The following CA10 variants were observed in gnomAD, a reference collection of about 807,000 sequenced individuals.
CA10 encodes carbonic anhydrase 10 (inactive).
A neutral mutation model predicts 44.2 loss-of-function variants in CA10; 14 were observed. The observed-to-expected ratio is 0.32, with a 90% CI of 0.21 to 0.50. CA10 has a LOEUF of 0.50. CA10 is among the 20% of genes least tolerant of loss of function. The pLI, the probability that CA10 is intolerant of heterozygous loss-of-function variation, is 0.99. For missense variants in CA10, 350 were observed against 409.7 expected (o/e 0.85, Z 1.26); for synonymous variants, 159 against 141.6 (o/e 1.12, Z -0.87).
At chr17:52,117,860 A>T (rs543247619) in intron 1 of CA10, among the ~76,000 whole-genome samples, 37 of 152,372 alleles carry the variant, frequency 2.4e-4, no homozygotes, top group African/African-American at 8.9e-4. Flanking sequence ...GATAAGATAA[A>T]GCTAAAGGTT....
At chr17:52,140,716 A>G (rs1233346044) in intron 1 of CA10, among the ~76,000 whole-genome samples, 4 of 152,074 alleles carry the variant, frequency 2.6e-5, no homozygotes, top group Non-Finnish European at 5.9e-5. Flanking sequence ...TACCATGTCT[A>G]AGAGGACTGG....
intron 2 of CA10, among the ~76,000 whole-genome samples, chr17:51,980,685 G>T (rs1198592885): frequency 7.2e-5 from 11 of 151,938 alleles, no homozygotes. Context: ...ATCTTGAGTT[G>T]GTTTTTGTAT....
In CA10 at chr17:52,150,554, T is replaced by C. The variant is rs1256325418; in HGVS notation, c.61+7172A>G. Among the ~76,000 whole-genome samples, 10 of 152,294 alleles carry C rather than the reference T, an allele frequency of 6.6e-5. No homozygotes were observed. The East Asian group carries it at 1.2e-3, about 18-fold the overall frequency. ...CATTTAGGTCTCTACACTCATTTTA[T>C]AGTAACTGAACCATAGAGTGGGTAA... is the stretch of plus-strand genomic sequence containing the variant. On this transcript the variant is annotated intron_variant, in intron 1 of 8. Coordinates refer to ENST00000451037, the MANE Select transcript of CA10 (RefSeq NM_020178.5).
intron 3 of CA10, among the ~76,000 whole-genome samples, chr17:51,926,828 T>G (rs758972911): frequency 2.0e-5 from 3 of 152,230 alleles, no homozygotes; most frequent in Non-Finnish European, 4.4e-5. Context: ...TTCTGCTATG[T>G]AAAGTGACAC....
intron 3 of CA10, among the ~76,000 whole-genome samples, chr17:51,757,493 G>C (rs1905108197): frequency 6.6e-6 from 1 of 152,176 alleles, no homozygotes; most frequent in African/African-American, 2.4e-5. Flanking sequence ...CCCAAGATTA[G>C]AAATCAACCC....
chr17:51,849,276 T>C (rs1978683702), intron 3 of CA10, among the ~76,000 whole-genome samples: 1 of 134,394 alleles, frequency 7.4e-6, no homozygotes, highest in Non-Finnish European at 1.6e-5. Context: ...AAACTAAGTT[T>C]TTTGGAGTCC....
chr17:52,056,740 C>T (rs1390534165), intron 2 of CA10, among the ~76,000 whole-genome samples: 1 of 151,894 alleles, frequency 6.6e-6, no homozygotes, highest in Non-Finnish European at 1.5e-5. Context: ...TAAACAATCC[C>T]ATTATCATAC....
At chr17:52,109,905 C>T (rs1988753533) in intron 1 of CA10, among the ~76,000 whole-genome samples, 1 of 152,180 alleles carries the variant, frequency 6.6e-6, no homozygotes, top group African/African-American at 2.4e-5. Flanking sequence ...TTCCTATTAT[C>T]TCTGGAATCT....
chr17:51,670,049 C>T (rs1329511048), intron 4 of CA10, among the ~76,000 whole-genome samples: 1 of 152,154 alleles, frequency 6.6e-6, no homozygotes, highest in Non-Finnish European at 1.5e-5. Flanking sequence ...GTTCTCATGC[C>T]AGCTGCCATG....
intron 3 of CA10, among the ~76,000 whole-genome samples, chr17:51,837,525 T>A (rs1335719972): frequency 6.6e-6 from 1 of 152,196 alleles, no homozygotes; most frequent in Non-Finnish European, 1.5e-5. Context: ...GAAATAATTA[T>A]CTGAAATGAC....
At chr17:51,941,362 T>G (rs566517477) in intron 2 of CA10, among the ~76,000 whole-genome samples, 16 of 152,190 alleles carry the variant, frequency 1.1e-4, no homozygotes, top group Non-Finnish European at 1.9e-4. Flanking sequence ...ATTAAGCTCT[T>G]GTGTGCCTGT....
intron 3 of CA10, among the ~76,000 whole-genome samples, chr17:51,831,732 GAAA>G (rs1204094455): frequency 4.1e-5 from 6 of 146,046 alleles, no homozygotes; most frequent in Admixed American, 2.8e-4. Context: ...AGCAGCAGCA[GAAA>G]AAGACCTTCC....
intron 2 of CA10, among the ~76,000 whole-genome samples, chr17:52,052,653 C>T (rs1212513776): frequency 1.3e-5 from 2 of 152,026 alleles, no homozygotes; most frequent in African/African-American, 4.8e-5. Context: ...AAATAAATAA[C>T]TAGGACTGAG....
At chr17:52,123,635 C>G (rs1406605901) in intron 1 of CA10, among the ~76,000 whole-genome samples, 1 of 152,058 alleles carries the variant, frequency 6.6e-6, no homozygotes, top group African/African-American at 2.4e-5. Context: ...TTGATCGAAG[C>G]CTGACATAAT....
In CA10 at chr17:52,045,098, A is replaced by G. The variant is rs550448653; in HGVS notation, c.136+27221T>C. 3.3e-5 allele frequency among the ~76,000 whole-genome samples: 5 copies of G among 152,080 alleles called. No individual in the cohort carries two copies. The East Asian group carries it at 1.0e-3, about 30-fold the overall frequency. ...TAAAAAATATATTACATACAGAGAT[A>G]CAAAGGTAAGAATGCTAGTAAACTT... On this transcript the variant is annotated intron_variant, in intron 2 of 8. Coordinates refer to ENST00000451037, the MANE Select transcript of CA10 (RefSeq NM_020178.5).
At chr17:51,673,975 C>T (rs557954659) in intron 4 of CA10, among the ~76,000 whole-genome samples, 1 of 152,206 alleles carries the variant, frequency 6.6e-6, no homozygotes, top group South Asian at 2.1e-4. Context: ...TCCTTCCCCC[C>T]CAGGTTCATC....
intron 2 of CA10, among the ~76,000 whole-genome samples, chr17:52,019,096 TCCTGTACAC>T (rs1229575007): frequency 6.6e-6 from 1 of 152,120 alleles, no homozygotes; most frequent in African/African-American, 2.4e-5. Flanking sequence ...ATGCCATGCT[TCCTGTACAC>T]CCAGCAGAGC....
intron 2 of CA10, among the ~76,000 whole-genome samples, chr17:51,982,482 A>G (rs1182213286): frequency 6.6e-6 from 1 of 151,896 alleles, no homozygotes; most frequent in African/African-American, 2.4e-5. Context: ...ACTCATTCCA[A>G]CCTTTAAAAA....
At chr17:52,026,763 A>G (rs945633748) in intron 2 of CA10, among the ~76,000 whole-genome samples, 58 of 152,240 alleles carry the variant, frequency 3.8e-4, no homozygotes, top group African/African-American at 1.3e-3. Context: ...AACGACCCCT[A>G]TGATTCAATT....
Sources: allele counts gnomAD v4.1 joint callset (sites outside exome capture counted in the v4.1 genomes callset), GRCh38; gene constraint gnomAD v4.1.1; transcripts MANE v1.5; gene names NCBI Gene and HGNC (gene_info 2026-07-23, HGNC 2026-07-21).